The following SLC24A2 variants were observed in gnomAD, a reference collection of about 807,000 sequenced individuals.
SLC24A2 encodes the protein solute carrier family 24 member 2.
SLC24A2 carries 36 observed loss-of-function variants against 62.0 expected under a neutral mutation model. The observed-to-expected ratio is 0.58, with a 90% CI of 0.44 to 0.77. The LOEUF (loss-of-function observed/expected upper bound fraction) is 0.77. Ranked by LOEUF, SLC24A2 falls within the 30% of genes least tolerant of loss-of-function variation. The pLI is 0.00. For missense variants in SLC24A2, 846 were observed against 817.9 expected (o/e 1.03, Z -0.42); for synonymous variants, 358 against 294.0 (o/e 1.22, Z -2.23).
chr9:19,849,534 T>C, the SLC24A2 span, among the ~76,000 whole-genome samples: 1 of 152,176 alleles, frequency 6.6e-6, no homozygotes, highest in African/African-American at 2.4e-5. Context: ...AGTTTGTGAA[T>C]GTTTCAATAG....
chr9:19,561,860 A>C (rs1029175824), intron 7 of SLC24A2, among the ~76,000 whole-genome samples: 26 of 152,318 alleles, frequency 1.7e-4, no homozygotes, highest in African/African-American at 6.0e-4. Flanking sequence ...GGCACCCTAA[A>C]CACAACATGA....
At chr9:19,857,950 G>A in the SLC24A2 span, among the ~76,000 whole-genome samples, 2 of 152,080 alleles carry the variant, frequency 1.3e-5, no homozygotes, top group African/African-American at 4.8e-5. Context: ...CATATTCAAT[G>A]CTATTCCTAT....
the SLC24A2 span, among the ~76,000 whole-genome samples, chr9:19,830,850 A>G: frequency 1.3e-5 from 2 of 152,136 alleles, no homozygotes; most frequent in African/African-American, 4.8e-5. Flanking sequence ...AATACCTAAG[A>G]CTGGGTAATT....
the SLC24A2 span, among the ~76,000 whole-genome samples, chr9:20,051,239 CG>C: frequency 6.6e-6 from 1 of 151,976 alleles, no homozygotes; most frequent in African/African-American, 2.4e-5. Flanking sequence ...TCAAGCAAAA[CG>C]TTTACTGAAA....
the SLC24A2 span, among the ~76,000 whole-genome samples, chr9:20,045,128 C>T: frequency 1.3e-5 from 2 of 152,262 alleles, no homozygotes; most frequent in South Asian, 2.1e-4. Context: ...TATAGATATA[C>T]TATGCATTTG....
At chr9:20,054,066 A>ATTTAAT in the SLC24A2 span, among the ~76,000 whole-genome samples, 1 of 152,106 alleles carries the variant, frequency 6.6e-6, no homozygotes, top group Non-Finnish European at 1.5e-5. Context: ...AGGGGTCTTT[A>ATTTAAT]TTTAATTTTA....
intron 2 of SLC24A2, among the ~76,000 whole-genome samples, chr9:19,660,295 G>A (rs1450582519): frequency 1.6e-4 from 24 of 152,100 alleles, no homozygotes; most frequent in Admixed American, 1.5e-3. Flanking sequence ...GTGAAGGGGC[G>A]GGAGGCTCTA....
the SLC24A2 span, among the ~76,000 whole-genome samples, chr9:20,012,686 C>T: frequency 3.3e-5 from 5 of 152,026 alleles, no homozygotes; most frequent in Non-Finnish European, 7.4e-5. Flanking sequence ...TAAACAAATT[C>T]AGTAAAGTTG....
chr9:19,894,092 A>G, the SLC24A2 span, among the ~76,000 whole-genome samples: 1 of 152,216 alleles, frequency 6.6e-6, no homozygotes, highest in African/African-American at 2.4e-5. Flanking sequence ...GTGTCCAGCT[A>G]AATTCAGGAT....
At chr9:20,271,208 G>A in the SLC24A2 span, among the ~76,000 whole-genome samples, 1 of 152,216 alleles carries the variant, frequency 6.6e-6, no homozygotes, top group Non-Finnish European at 1.5e-5. Context: ...GCCCTATTTC[G>A]AAGATGTTGT....
intron 2 of SLC24A2, among the ~76,000 whole-genome samples, chr9:19,734,274 T>C (rs573507260): frequency 6.6e-6 from 1 of 152,270 alleles, no homozygotes; most frequent in Admixed American, 6.5e-5. Context: ...TACCATGCTG[T>C]TTTGGTTACT....
intron 7 of SLC24A2, among the ~76,000 whole-genome samples, chr9:19,569,261 A>G (rs1023016524): frequency 6.6e-5 from 10 of 152,248 alleles, no homozygotes; most frequent in African/African-American, 2.4e-4. Flanking sequence ...GTCGTACAGA[A>G]ACAGGCTGCA....
chr9:20,171,689 C>T, the SLC24A2 span, among the ~76,000 whole-genome samples: 27 of 152,082 alleles, frequency 1.8e-4, no homozygotes, highest in South Asian at 2.5e-3. Flanking sequence ...TATATAAGCA[C>T]CTAAAACTAG....
chr9:19,561,399 C>G (rs936395430), intron 7 of SLC24A2, among the ~76,000 whole-genome samples: 5 of 151,214 alleles, frequency 3.3e-5, no homozygotes, highest in African/African-American at 1.2e-4. Flanking sequence ...TGTGAACATC[C>G]TAAACCAACA....
At chr9:19,830,628 C>T in the SLC24A2 span, among the ~76,000 whole-genome samples, 1 of 152,136 alleles carries the variant, frequency 6.6e-6, no homozygotes, top group Admixed American at 6.5e-5. Flanking sequence ...ATTCTATGAA[C>T]CAGCAAGGCC....
At chr9:19,901,937 G>A in the SLC24A2 span, among the ~76,000 whole-genome samples, 4 of 152,188 alleles carry the variant, frequency 2.6e-5, no homozygotes, top group Admixed American at 2.6e-4. Flanking sequence ...AGCTGCAATT[G>A]TTTGAACATT....
the SLC24A2 span, among the ~76,000 whole-genome samples, chr9:19,900,527 C>A: frequency 6.6e-6 from 1 of 152,214 alleles, no homozygotes; most frequent in African/African-American, 2.4e-5. Context: ...CTAAAACCAT[C>A]AGGCCTTGGG....
the SLC24A2 span, among the ~76,000 whole-genome samples, chr9:19,815,314 C>G: frequency 2.0e-5 from 3 of 152,102 alleles, no homozygotes; most frequent in African/African-American, 7.2e-5. Context: ...TCTTCCTTTT[C>G]CAATCTGTTA....
the SLC24A2 span, among the ~76,000 whole-genome samples, chr9:20,045,841 C>T: frequency 2.6e-4 from 40 of 152,220 alleles, no homozygotes; most frequent in African/African-American, 8.2e-4. Context: ...CCTAATCATA[C>T]GGTGAGAAAA....
Sources: gnomAD v4.1 joint callset for allele counts (sites outside exome capture counted in the v4.1 genomes callset) on GRCh38, gnomAD v4.1.1 for gene constraint, MANE v1.5 for transcripts, NCBI Gene and HGNC (gene_info 2026-07-23, HGNC 2026-07-21) for gene names.